MGAT4A: variants seen among roughly 807,000 people sequenced by gnomAD.
MGAT4A encodes N-acetylglucosaminyltransferase IVa.
Under a neutral mutation model 74.1 loss-of-function variants are expected in MGAT4A, and 33 were observed. The ratio of observed to expected loss-of-function variants is 0.45; its 90% CI spans 0.34 to 0.60. MGAT4A has a LOEUF of 0.60. Among genes scored for constraint, MGAT4A ranks in the 20% least tolerant of loss-of-function variants. The pLI is 0.02. For missense variants in MGAT4A, 479 were observed against 628.3 expected, an observed-to-expected ratio of 0.76 and a Z score of 2.54; for synonymous variants, 198 against 210.4, an observed-to-expected ratio of 0.94 and a Z score of 0.51.
intron 9 of MGAT4A, among the ~76,000 whole-genome samples, chr2:98,644,499 G>A (rs1429470859): frequency 6.6e-6 from 1 of 152,156 alleles, no homozygotes; most frequent in Non-Finnish European, 1.5e-5. Flanking sequence ...TAAGTTTTGA[G>A]TTAAATGATC....
intron 2 of MGAT4A, among the ~76,000 whole-genome samples, chr2:98,688,668 C>G (rs955369788): frequency 2.6e-5 from 4 of 152,196 alleles, no homozygotes; most frequent in African/African-American, 9.6e-5. Context: ...AGTCCTACAG[C>G]CACAAGGAAA....
intron 3 of MGAT4A, among the ~76,000 whole-genome samples, chr2:98,676,334 C>A (rs546556813): frequency 6.6e-6 from 1 of 152,200 alleles, no homozygotes; most frequent in South Asian, 2.1e-4. Context: ...TTGGTGATAA[C>A]AAGATAAATG....
chr2:98,719,104 C>T (rs914462639), intron 2 of MGAT4A, among the ~76,000 whole-genome samples: 1 of 152,062 alleles, frequency 6.6e-6, no homozygotes, highest in African/African-American at 2.4e-5. Context: ...AGTGAAGATA[C>T]GGCCTAGAGT....
intron 14 of MGAT4A, among the ~76,000 whole-genome samples, chr2:98,628,058 T>G (rs79225556): frequency 6.6e-6 from 1 of 151,288 alleles, no homozygotes; most frequent in East Asian, 1.9e-4. Context: ...TCCACAAGTA[T>G]TTTTTTTTAG....
chr2:98,685,264 A>T (rs557718533), intron 2 of MGAT4A, among the ~76,000 whole-genome samples: 41 of 151,420 alleles, frequency 2.7e-4, no homozygotes, highest in African/African-American at 9.7e-4. Flanking sequence ...AAAAGTAGTC[A>T]TCTGGTTCAA....
chr2:98,727,394 T>G (rs974231453), intron 1 of MGAT4A, among the ~76,000 whole-genome samples: 5 of 152,202 alleles, frequency 3.3e-5, no homozygotes, highest in Admixed American at 1.3e-4. Flanking sequence ...AGCACAGCAT[T>G]CAGCATATAA....
At chr2:98,670,602 G>A (rs758459071) in intron 4 of MGAT4A, among the ~76,000 whole-genome samples, 1 of 152,084 alleles carries the variant, frequency 6.6e-6, no homozygotes, top group Non-Finnish European at 1.5e-5. Flanking sequence ...AATGTTCATT[G>A]CTAGCCAAAT....
chr2:98,728,946 A>G (rs911823876), intron 1 of MGAT4A, among the ~76,000 whole-genome samples: 3 of 152,148 alleles, frequency 2.0e-5, no homozygotes, highest in Non-Finnish European at 4.4e-5. Flanking sequence ...TTGAGAAAGA[A>G]TTTTGTTCTA....
intron 2 of MGAT4A, 145 bp downstream of exon 2, chr2:98,726,094 T>C: frequency 1.7e-6 from 1 of 574,326 alleles, no homozygotes; most frequent in Non-Finnish European, 3.1e-6. Context: ...AAGAATACTG[T>C]TTCATTTTTA....
At chr2:98,679,868 GGAA>G (rs1473760566) in intron 2 of MGAT4A, among the ~76,000 whole-genome samples, 1 of 152,078 alleles carries the variant, frequency 6.6e-6, no homozygotes, top group Non-Finnish European at 1.5e-5. Flanking sequence ...GAGAGATGGT[GGAA>G]GAAGCCATTC....
chr2:98,660,407 C>T (rs560628371), intron 5 of MGAT4A, among the ~76,000 whole-genome samples: 12 of 131,552 alleles, frequency 9.1e-5, no homozygotes, highest in African/African-American at 3.5e-4. Flanking sequence ...CACACACACA[C>T]ACACGCACGC....
At position 98,639,963 on chromosome 2, in the gene MGAT4A, A is replaced by G. The variant is rs1701380589; in HGVS notation, c.1167T>C (p.His389=). The G allele has an allele frequency of 6.2e-7, 1 of 1,613,956 alleles. No homozygotes were observed. The highest frequency in any genetic ancestry group is 8.5e-7 in the Non-Finnish European group (1 of 1,179,926). Reference sequence around the variant, plus strand: ...TAGATACCTCCGCAGGTGGGTTTACATGGATTTTAAGAAGTAATGGTTTCA... The same window carrying G: ...TAGATACCTCCGCAGGTGGGTTTACGTGGATTTTAAGAAGTAATGGTTTCA... The part of the protein sequence containing the change: ...DYMKPLLLKI[H]VNPPAEVSTS... Residue 389 remains histidine (H), a synonymous_variant, in exon 12 of 16, where the codon CAT becomes CAC. Transcript: ENST00000393487.
At chr2:98,626,051 T>C (rs977708151) in intron 14 of MGAT4A, among the ~76,000 whole-genome samples, 7 of 152,182 alleles carry the variant, frequency 4.6e-5, no homozygotes, top group Non-Finnish European at 1.0e-4. Flanking sequence ...TTTACTTAAT[T>C]AGGCAGAGCT....
In MGAT4A at chr2:98,622,597, A is replaced by G. The variant is rs1039906367; in HGVS notation, c.*2969T>C. ...CACACTGCTCTTAAGGGCGACCACT[A>G]CAATTTCCTGCTTGGGGAAAGGATG... On this transcript the variant is annotated 3_prime_UTR_variant, in exon 16 of 16. Coordinates refer to ENST00000393487, the MANE Select transcript of MGAT4A (RefSeq NM_012214.3). The G allele has an allele frequency of 6.2e-5, 61 of 985,336 alleles. No individual in the cohort carries two copies. The highest frequency in any genetic ancestry group is 1.9e-5 in the Non-Finnish European group (16 of 829,998). The allele number at this position is 985,336 out of a possible 1,614,324, so 61.0% of individuals were successfully genotyped here.
At chr2:98,726,607 T>G (rs892403377) in intron 1 of MGAT4A, 40 bp from the exon 2 acceptor site, 2 of 391,964 alleles carry the variant, frequency 5.1e-6, no homozygotes, top group Non-Finnish European at 9.0e-6. Flanking sequence ...CATTCGGTAA[T>G]GCAAAATGTA....
intron 3 of MGAT4A, among the ~76,000 whole-genome samples, chr2:98,678,000 G>T (rs1210440329): frequency 6.6e-6 from 1 of 150,678 alleles, no homozygotes; most frequent in Non-Finnish European, 1.5e-5. Flanking sequence ...GGAGGCTGAG[G>T]GGGTGGATCA....
chr2:98,663,563 G>T, intron 4 of MGAT4A: 1 of 958,968 alleles, frequency 1.0e-6, no homozygotes, highest in Non-Finnish European at 1.4e-6. Flanking sequence ...CACAACATCA[G>T]TTCTGTGGTT....
Position 98,622,300 on chromosome 2 carries a change from C to A in MGAT4A, c.*3266G>T. Reference sequence around the variant, plus strand: ...TGCAGTGATGGAAAAGTTCTGCATCCGTGGTGTCAAGTGTGGTGGCCACTA... The same window carrying A: ...TGCAGTGATGGAAAAGTTCTGCATCAGTGGTGTCAAGTGTGGTGGCCACTA... On this transcript the variant is annotated 3_prime_UTR_variant, in exon 16 of 16. Coordinates refer to ENST00000393487, the MANE Select transcript of MGAT4A (RefSeq NM_012214.3). 1.0e-6 allele frequency: 1 copy of A among 985,388 alleles called. No homozygotes were observed. The highest frequency in any genetic ancestry group is 1.2e-6 in the Non-Finnish European group (1 of 829,944). 61.0% of individuals were successfully genotyped at this position (985,388 alleles called of 1,614,324 possible).
chr2:98,621,219 G>A lies in MGAT4A; in HGVS notation c.*4347C>T. On this transcript the variant is annotated 3_prime_UTR_variant, in exon 16 of 16. Coordinates refer to ENST00000393487, the MANE Select transcript of MGAT4A (RefSeq NM_012214.3). ...AGGCTTAAGTGAGTTCTCGGCTTAG[G>A]GTCTCACAAGGCTGGATTCAAAGTG... 1.7e-6 allele frequency: 1 copy of A among 589,844 alleles called. No homozygotes were observed. Among genetic ancestry groups the A allele is most frequent in the South Asian group, 3.3e-5 (1 of 30,082 alleles). 36.5% of individuals were successfully genotyped at this position (589,844 alleles called of 1,614,324 possible). A position where few individuals can be genotyped will look rare whatever the true frequency, so the allele number is the denominator to read the frequency against.
Sources: allele counts gnomAD v4.1 joint callset (sites outside exome capture counted in the v4.1 genomes callset), GRCh38; gene constraint gnomAD v4.1.1; transcripts MANE v1.5; gene names NCBI Gene and HGNC (gene_info 2026-07-23, HGNC 2026-07-21).